The following SV2B variants were observed in gnomAD, a reference collection of about 807,000 sequenced individuals.
SV2B encodes synaptic vesicle glycoprotein 2B.
Under a neutral mutation model 73.9 loss-of-function variants are expected in SV2B, and 41 were observed. The ratio of observed to expected loss-of-function variants is 0.56; its 90% CI spans 0.43 to 0.72. SV2B has a LOEUF of 0.72. Ranked by LOEUF, SV2B falls within the 30% of genes least tolerant of loss-of-function variation. The probability of loss-of-function intolerance (pLI) is 0.00; values close to 1 mark genes in which losing one functional copy is unlikely to be tolerated. For synonymous variants in SV2B, 314 were observed against 314.2 expected, an observed-to-expected ratio of 1.00 and a Z score of 0.01; for missense variants, 764 against 857.8, an observed-to-expected ratio of 0.89 and a Z score of 1.37.
chr15:91,174,933 A>C (rs989450452), intron 1 of SV2B, among the ~76,000 whole-genome samples: 2 of 152,202 alleles, frequency 1.3e-5, no homozygotes, highest in Non-Finnish European at 2.9e-5. Flanking sequence ...TCTGAGGGTC[A>C]TAGAAGAGAT....
intron 6 of SV2B, 103 bp from the exon 7 acceptor site, chr15:91,266,479 C>T: frequency 1.2e-6 from 1 of 861,720 alleles, no homozygotes; most frequent in Non-Finnish European, 1.8e-6. Context: ...ATCGCAGACT[C>T]CTCTAGTCCT....
At chr15:91,292,207 G>A (rs1228203674) in intron 12 of SV2B, among the ~76,000 whole-genome samples, 162 bp from the exon 13 acceptor site, 1 of 151,486 alleles carries the variant, frequency 6.6e-6, no homozygotes, top group Non-Finnish European at 1.5e-5. Flanking sequence ...ATATTATTCT[G>A]TATTTCCAAA....
rs1488794078 is a variant in SV2B, at chr15:91,261,026, C to T, written c.1008+617C>T. On this transcript the variant is annotated intron_variant, in intron 6 of 12. Transcript: ENST00000394232. The surrounding 1 kb of genome is among the most constrained non-coding windows in gnomAD (Gnocchi z 4.7). ...CGCAGAGCCACACCACATCAGAGGC[C>T]GAGGCTGGCAGATCACTTGAAGTCA... Among the ~76,000 whole-genome samples, 1 of 152,136 alleles carries T rather than the reference C, an allele frequency of 6.6e-6. No individual in the cohort carries two copies. Among genetic ancestry groups the T allele is most frequent in the Admixed American group, 6.5e-5 (1 of 15,278 alleles).
intron 1 of SV2B, among the ~76,000 whole-genome samples, chr15:91,195,653 C>G (rs1384656815): frequency 6.6e-6 from 1 of 152,162 alleles, no homozygotes; most frequent in African/African-American, 2.4e-5. Context: ...GGTTCAGGCT[C>G]TAGGGTTAAG....
intron 4 of SV2B, among the ~76,000 whole-genome samples, chr15:91,254,301 A>G (rs1417064983): frequency 1.4e-5 from 2 of 145,328 alleles, no homozygotes; most frequent in East Asian, 4.1e-4. Flanking sequence ...CAGTAGCATG[A>G]TCTCAGTTTA....
rs117239457 is a variant in SV2B at position 91,294,997 on chromosome 15, G to T, written c.*2445G>T. 1 of 152,592 alleles carries T rather than the reference G, an allele frequency of 6.6e-6. No homozygotes were observed. Among genetic ancestry groups the T allele is most frequent in the Non-Finnish European group, 1.5e-5 (1 of 68,050 alleles). The allele number at this position is 152,592 out of a possible 1,614,324, so 9.5% of individuals were successfully genotyped here. The stretch of plus-strand genomic sequence containing the variant: ...CCGTCACTCCTGCTGAGATAAATGC[G>T]TCTTTAAAAATAGTCTCTGTGGCAG... On this transcript the variant is annotated 3_prime_UTR_variant, in exon 13 of 13. Coordinates refer to ENST00000394232, the MANE Select transcript of SV2B (RefSeq NM_001323032.3). The surrounding 1 kb of genome is among the most constrained non-coding windows in gnomAD (Gnocchi z 4.1).
chr15:91,226,419 T>C lies in SV2B; in HGVS notation c.156T>C (p.Gly52=). Residue 52 remains glycine (G), a synonymous_variant, in exon 2 of 13, where the codon GGT becomes GGC. Coordinates refer to ENST00000394232, the MANE Select transcript of SV2B (RefSeq NM_001323032.3). ...AGATCTATGAGGGCGAGTACCAGGG[T>C]ATCCCTCACCCAGATGATGTCAAGG... is the stretch of plus-strand genomic sequence containing the variant. ...EDEIYEGEYQ[G]IPHPDDVKAK... 6 of 1,614,086 alleles carry C rather than the reference T, an allele frequency of 3.7e-6. No individual in the cohort carries two copies. The highest frequency in any genetic ancestry group is 5.1e-6 in the Non-Finnish European group (6 of 1,179,994).
chr15:91,126,237 G>A (rs1253992759), intron 1 of SV2B, among the ~76,000 whole-genome samples: 1 of 152,214 alleles, frequency 6.6e-6, no homozygotes, highest in African/African-American at 2.4e-5. Flanking sequence ...GCTCCAAGAT[G>A]GAGACCCAGA....
At chr15:91,198,329 A>C (rs968789272) in intron 1 of SV2B, among the ~76,000 whole-genome samples, 1 of 152,216 alleles carries the variant, frequency 6.6e-6, no homozygotes, top group African/African-American at 2.4e-5. Flanking sequence ...ATTTTAAAAG[A>C]AAATGCTTTC....
intron 1 of SV2B, among the ~76,000 whole-genome samples, chr15:91,170,694 A>T (rs2044092551): frequency 6.6e-6 from 1 of 152,228 alleles, no homozygotes; most frequent in African/African-American, 2.4e-5. Flanking sequence ...TTTTCCTCTT[A>T]GATTCACCAT....
chr15:91,207,948 T>C (rs564561535), intron 1 of SV2B, among the ~76,000 whole-genome samples: 43 of 152,274 alleles, frequency 2.8e-4, no homozygotes, highest in Admixed American at 4.6e-4. Context: ...AGAGTGACTT[T>C]CCCAGGTTTT....
chr15:91,262,203 G>GATAATCAT (rs1165898312), intron 6 of SV2B, among the ~76,000 whole-genome samples: 5 of 152,028 alleles, frequency 3.3e-5, no homozygotes. Context: ...AGAAAAGAGG[G>GATAATCAT]ATAATCATAT....
intron 1 of SV2B, among the ~76,000 whole-genome samples, chr15:91,212,991 A>G (rs1483840849): frequency 3.3e-5 from 5 of 151,016 alleles, no homozygotes; most frequent in African/African-American, 1.2e-4. Flanking sequence ...AAAAAAAAAA[A>G]AAAATACGAA....
Position 91,260,792 on chromosome 15 carries a change from A to T in SV2B, c.1008+383A>T, listed in dbSNP as rs138150193. On this transcript the variant is annotated intron_variant, in intron 6 of 12. Transcript: ENST00000394232. ...AGAATCATGGCGGGAGGCGAAAGGC[A>T]CTTCTTACATGGTGGTGGCAAGAGA... 6.3e-3 allele frequency among the ~76,000 whole-genome samples: 955 copies of T among 152,284 alleles called. 8 individuals carry two copies. The highest frequency in any genetic ancestry group is 0.02 in the African/African-American group (836 of 41,548).
chr15:91,195,082 T>C (rs1366029488), intron 1 of SV2B, among the ~76,000 whole-genome samples: 1 of 152,174 alleles, frequency 6.6e-6, no homozygotes, highest in Non-Finnish European at 1.5e-5. Flanking sequence ...TAGGGGCTTC[T>C]TGTTACCACA....
At chr15:91,262,349 TC>T (rs1235847574) in intron 6 of SV2B, among the ~76,000 whole-genome samples, 3 of 152,238 alleles carry the variant, frequency 2.0e-5, no homozygotes, top group African/African-American at 7.2e-5. Flanking sequence ...TGACATTTTT[TC>T]ATAAATTAAC....
At chr15:91,203,484 CTG>C (rs1245301930) in intron 1 of SV2B, among the ~76,000 whole-genome samples, 5 of 152,216 alleles carry the variant, frequency 3.3e-5, no homozygotes, top group Non-Finnish European at 2.9e-5. Flanking sequence ...ATGCAAATAA[CTG>C]TAAAAGTTAA....
Position 91,292,414 on chromosome 15 carries a change from CA to C in SV2B, c.1915del (p.Ile639SerfsTer13). ...TCAATGGATTATGCAAATTTGGCGC[CA>C]TCCTGGGAAACACCATCTTTGCTTC... ...ILNGLCKFGA[I>X]LGNTIFASFV... On this transcript the variant is annotated frameshift_variant, in exon 13 of 13. Coordinates refer to ENST00000394232, the MANE Select transcript of SV2B (RefSeq NM_001323032.3). LOFTEE classifies it high-confidence loss of function. 1 of 1,614,170 alleles carries C rather than the reference CA, an allele frequency of 6.2e-7. No homozygotes were observed. The highest frequency in any genetic ancestry group is 2.2e-5 in the East Asian group (1 of 44,884).
rs2046714571 is a variant in SV2B at position 91,234,759 on chromosome 15, C to T, written c.451+8045C>T. ...CTCCTTGAGGAGGGACCCCAGTACA[C>T]TGCCAAAAATTTATACCATTAATCT... On this transcript the variant is annotated intron_variant, in intron 2 of 12. Transcript: ENST00000394232. This position sits in a 1 kb window ranked among gnomAD's most constrained non-coding sequence, Gnocchi z 5.6. Among the ~76,000 whole-genome samples, 1 of 152,170 alleles carries T rather than the reference C, an allele frequency of 6.6e-6. No homozygotes were observed.
Sources: allele counts gnomAD v4.1 joint callset (sites outside exome capture counted in the v4.1 genomes callset), GRCh38; gene constraint gnomAD v4.1.1; non-coding constraint Gnocchi (gnomAD v3.1); transcripts MANE v1.5; gene names NCBI Gene and HGNC (gene_info 2026-07-23, HGNC 2026-07-21).